Variants in SOAT1 observed in about 807,000 individuals in gnomAD.
SOAT1 encodes acyl-coenzyme A:cholesterol acyltransferase 1.
In SOAT1, 55 loss-of-function variants were observed where a neutral mutation model predicts 69.5. The observed-to-expected ratio is 0.79, with a 90% CI of 0.64 to 0.99. The LOEUF (loss-of-function observed/expected upper bound fraction) is 0.99. Ranked by LOEUF, SOAT1 falls within the 50% of genes least tolerant of loss-of-function variation. SOAT1 has a pLI of 0.00. For missense variants in SOAT1, 580 were observed against 669.3 expected (o/e 0.87, Z 1.47); for synonymous variants, 231 against 224.7 (o/e 1.03, Z -0.25).
In SOAT1 at chr1:179,354,876, T is replaced by TC. The variant is rs1666858028; in HGVS notation, c.*1236dup. On this transcript the variant is annotated 3_prime_UTR_variant, in exon 16 of 16. Transcript: ENST00000367619. ...GAAGGGGTATCAGAGACCATGTAGT[T>TC]CAACTTTCCACTCAAAGTAAGATTT... The TC allele has an allele frequency of 6.6e-6, 1 of 152,190 alleles. No homozygotes were observed. The highest frequency in any genetic ancestry group is 2.4e-5 in the African/African-American group (1 of 41,454). The allele number at this position is 152,190 out of a possible 1,614,324, so 9.4% of individuals were successfully genotyped here. A position where few individuals can be genotyped will look rare whatever the true frequency, so the allele number is the denominator to read the frequency against.
At chr1:179,297,359 C>T (rs1040221170) in intron 1 of SOAT1, among the ~76,000 whole-genome samples, 1 of 151,988 alleles carries the variant, frequency 6.6e-6, no homozygotes. Context: ...TTTTTTGAGA[C>T]GGAGTCCAGC....
Position 179,348,914 on chromosome 1 carries a change from A to G in SOAT1, c.1286A>G (p.Tyr429Cys), listed in dbSNP as rs1558059484. 6.2e-7 allele frequency: 1 copy of G among 1,606,618 alleles called. No homozygotes were observed. Among genetic ancestry groups the G allele is most frequent in the Non-Finnish European group, 8.5e-7 (1 of 1,173,386 alleles). ...AATGTGGTGGTCCATGACTGGCTAT[A>G]TTACTATGCTTACAAGGACTTTCTC... ...TWNVVVHDWL[Y>C]YYAYKDFLWF... is the part of the protein sequence containing the mutation. The change falls in exon 13 of 16, where the codon TAT becomes TGT. Residue 429 changes from tyrosine (Y) to cysteine (C), a missense_variant. By Grantham distance (194) the Tyr-to-Cys change is radical (BLOSUM62 -2). Transcript: ENST00000367619.
intron 2 of SOAT1, among the ~76,000 whole-genome samples, chr1:179,321,863 TTA>T (rs1402449414): frequency 6.6e-6 from 1 of 152,118 alleles, no homozygotes; most frequent in Non-Finnish European, 1.5e-5. Flanking sequence ...TGTTACTTGC[TTA>T]TGTTTTCCTT....
chr1:179,331,624 G>T (rs1489143329), intron 3 of SOAT1, among the ~76,000 whole-genome samples: 3 of 152,148 alleles, frequency 2.0e-5, no homozygotes, highest in African/African-American at 7.2e-5. Flanking sequence ...TTTAAAATCA[G>T]TTGGGTGGGG....
chr1:179,300,098 A>G (rs1036845703), intron 1 of SOAT1, among the ~76,000 whole-genome samples: 1 of 151,060 alleles, frequency 6.6e-6, no homozygotes, highest in South Asian at 2.1e-4. Context: ...CTTTTGCTAT[A>G]TGCTCTTTAA....
At position 179,343,769 on chromosome 1, in the gene SOAT1, A is replaced by G. The variant is rs79314370; in HGVS notation, c.987+134A>G. ...TTGACATTATGCAGTCTTTTAAACTATTTCCAGTACGGTAAATGGTGTTTG... is the reference window on the plus strand; with the variant it reads ...TTGACATTATGCAGTCTTTTAAACTGTTTCCAGTACGGTAAATGGTGTTTG... On this transcript the variant is annotated intron_variant, in intron 10 of 15. Transcript: ENST00000367619. The G allele has an allele frequency of 1.1e-3, 714 of 649,472 alleles. 8 individuals carry two copies. The African/African-American group carries it at 0.012, about 10-fold the overall frequency. The allele number at this position is 649,472 out of a possible 1,614,324, so 40.2% of individuals were successfully genotyped here.
At chr1:179,321,536 A>G (rs1378635473) in intron 2 of SOAT1, among the ~76,000 whole-genome samples, 2 of 152,138 alleles carry the variant, frequency 1.3e-5, no homozygotes, top group Non-Finnish European at 2.9e-5. Flanking sequence ...TTCCTCCATT[A>G]TAGTCTGCAG....
intron 4 of SOAT1, among the ~76,000 whole-genome samples, chr1:179,337,389 C>T (rs1389454493): frequency 1.3e-5 from 2 of 152,134 alleles, no homozygotes; most frequent in East Asian, 3.8e-4. Context: ...AGTGCAGTTT[C>T]AGAGGACAGA....
chr1:179,334,804 T>G (rs1250696030), intron 3 of SOAT1, among the ~76,000 whole-genome samples: 1 of 150,996 alleles, frequency 6.6e-6, no homozygotes, highest in Non-Finnish European at 1.5e-5. Flanking sequence ...TCACCTGAGG[T>G]TGGGAGTTGG....
intron 4 of SOAT1, 129 bp downstream of exon 4, chr1:179,335,786 G>T: frequency 2.5e-6 from 2 of 815,786 alleles, no homozygotes; most frequent in Non-Finnish European, 1.9e-6. Context: ...TGTTACATTG[G>T]GAAAGTTACT....
At chr1:179,350,230 C>A in intron 13 of SOAT1, 66 bp from the exon 14 acceptor site, 2 of 1,350,526 alleles carry the variant, frequency 1.5e-6, no homozygotes, top group Non-Finnish European at 2.1e-6. Context: ...AATTTTACAT[C>A]CTATATAATC....
rs552447945 is a variant in SOAT1 at position 179,350,427 on chromosome 1, T to C, written c.1446T>C (p.Phe482=). 41 of 1,613,632 alleles carry C rather than the reference T, an allele frequency of 2.5e-5. No homozygotes were observed. Among genetic ancestry groups the C allele is most frequent in the South Asian group, 2.4e-4 (22 of 90,956 alleles). ...TGCTCTTCGTGCTCTTCATGTTCTT[T>C]GGAAGTAAGTATCTTGGTATGCTGT... ...YPVLFVLFMF[F]GMAFNFIVND... Residue 482 remains phenylalanine (F), a synonymous_variant, in exon 14 of 16, where the codon TTT becomes TTC. Transcript: ENST00000367619.
At chr1:179,311,990 A>G (rs1349485365) in intron 2 of SOAT1, among the ~76,000 whole-genome samples, 1 of 152,222 alleles carries the variant, frequency 6.6e-6, no homozygotes, top group African/African-American at 2.4e-5. Context: ...AATGTTGGAG[A>G]AGAGGTTGAA....
At chr1:179,343,023 G>A in intron 9 of SOAT1, 80 bp downstream of exon 9, 1 of 1,021,700 alleles carries the variant, frequency 9.8e-7, no homozygotes, top group Non-Finnish European at 1.6e-6. Flanking sequence ...ACAGGGGCCA[G>A]TTCATGTAGG....
chr1:179,319,192 C>T (rs911586987), intron 2 of SOAT1, among the ~76,000 whole-genome samples: 2 of 150,526 alleles, frequency 1.3e-5, no homozygotes, highest in Admixed American at 1.3e-4. Flanking sequence ...TCCTGATGGC[C>T]AGGGATGTTG....
chr1:179,339,604 T>C (rs1666264029), intron 6 of SOAT1, 59 bp downstream of exon 6: 1 of 1,105,026 alleles, frequency 9.0e-7, no homozygotes, highest in African/African-American at 1.6e-5. Flanking sequence ...AGGTTTTCAC[T>C]AAATTTTGGT....
At chr1:179,326,281 T>C (rs1327798579) in intron 3 of SOAT1, among the ~76,000 whole-genome samples, 1 of 152,182 alleles carries the variant, frequency 6.6e-6, no homozygotes, top group Non-Finnish European at 1.5e-5. Context: ...TGTATATCCT[T>C]CAAATTCTAG....
Position 179,351,304 on chromosome 1 carries a change from T to C in SOAT1, c.1451-13T>C, listed in dbSNP as rs777871946. On this transcript the variant is annotated splice_polypyrimidine_tract_variant and intron_variant, in intron 14 of 15. Coordinates refer to ENST00000367619, the MANE Select transcript of SOAT1 (RefSeq NM_003101.6). ...GATAACTGTATATTTCTTTGTTGCC[T>C]TCCTATTTTTAGTGGCTTTCAACTT... 1.1e-5 allele frequency: 17 copies of C among 1,613,054 alleles called. No homozygotes were observed. The highest frequency in any genetic ancestry group is 2.7e-5 in the African/African-American group (2 of 74,842).
In SOAT1 at chr1:179,352,579, G is replaced by A. The variant is rs199573671; in HGVS notation, c.1597-1006G>A. 2.6e-5 allele frequency among the ~76,000 whole-genome samples: 4 copies of A among 152,178 alleles called. No homozygotes were observed. The East Asian group carries it at 7.7e-4, about 29-fold the overall frequency. ...AAAAATATGGCAGATAGAGCTATTT[G>A]TCTCAAGTTCATCTCGGCATCCTGT... On this transcript the variant is annotated intron_variant, in intron 15 of 15. Coordinates refer to ENST00000367619, the MANE Select transcript of SOAT1 (RefSeq NM_003101.6).
Sources: allele counts gnomAD v4.1 joint callset (sites outside exome capture counted in the v4.1 genomes callset), GRCh38; gene constraint gnomAD v4.1.1; transcripts MANE v1.5; gene names NCBI Gene and HGNC (gene_info 2026-07-23, HGNC 2026-07-21).